PCDHA3: variants seen among roughly 807,000 people sequenced by gnomAD.
PCDHA3 encodes protocadherin alpha 3.
Under a neutral mutation model 62.2 loss-of-function variants are expected in PCDHA3, and 41 were observed. The ratio of observed to expected loss-of-function variants is 0.66; its 90% CI spans 0.51 to 0.86. PCDHA3 has a LOEUF of 0.86. Among genes scored for constraint, PCDHA3 ranks in the 40% least tolerant of loss-of-function variants. The pLI is 0.00. For missense variants in PCDHA3, 1,304 were observed against 1,241.2 expected (o/e 1.05, Z -0.76); for synonymous variants, 640 against 555.4 (o/e 1.15, Z -2.14).
intron 1 of PCDHA3, among the ~76,000 whole-genome samples, chr5:140,923,825 G>A (rs2081532169): frequency 6.6e-6 from 1 of 152,224 alleles, no homozygotes; most frequent in East Asian, 1.9e-4. Context: ...ATAGACGTCA[G>A]TGGCAGTTTA....
At chr5:140,931,875 T>C (rs1457456146) in intron 1 of PCDHA3, among the ~76,000 whole-genome samples, 3 of 151,982 alleles carry the variant, frequency 2.0e-5, no homozygotes, top group African/African-American at 7.2e-5. Flanking sequence ...AAAATATTTA[T>C]TGCTTTCATT....
intron 1 of PCDHA3, chr5:140,829,105 G>C: frequency 6.2e-7 from 1 of 1,611,878 alleles, no homozygotes; most frequent in Non-Finnish European, 8.5e-7. Context: ...CCGTTTTAGT[G>C]AGAATTTTGG....
chr5:140,848,370 C>G, intron 1 of PCDHA3: 1 of 1,125,286 alleles, frequency 8.9e-7, no homozygotes, highest in Non-Finnish European at 1.3e-6. Flanking sequence ...GAAAGAGGCT[C>G]AATTCTTTTT....
At chr5:140,965,103 A>G (rs1453303865) in intron 1 of PCDHA3, among the ~76,000 whole-genome samples, 1 of 152,234 alleles carries the variant, frequency 6.6e-6, no homozygotes, top group Non-Finnish European at 1.5e-5. Context: ...TAGCTAGAAA[A>G]TGACCCATAG....
intron 3 of PCDHA3, among the ~76,000 whole-genome samples, chr5:141,000,397 A>C (rs590627): frequency 0.074 from 4,330 of 58,694 alleles, 135 homozygotes; most frequent in Non-Finnish European, 0.096. Flanking sequence ...CTCTCTCTCT[A>C]TATATATATA....
At chr5:140,832,074 T>C (rs2150199699) in intron 1 of PCDHA3, among the ~76,000 whole-genome samples, 2 of 152,370 alleles carry the variant, frequency 1.3e-5, no homozygotes, top group East Asian at 3.8e-4. Context: ...CTGAGATGTC[T>C]CTAACATTTT....
At chr5:140,839,867 G>A (rs996407179) in intron 1 of PCDHA3, among the ~76,000 whole-genome samples, 1 of 151,988 alleles carries the variant, frequency 6.6e-6, no homozygotes, top group Non-Finnish European at 1.5e-5. Flanking sequence ...GGTGGACTTT[G>A]AAAGATGAAT....
At chr5:140,824,621 T>A (rs536552035) in intron 1 of PCDHA3, 1 of 130,846 alleles carries the variant, frequency 7.6e-6, no homozygotes, top group Non-Finnish European at 1.6e-5. Flanking sequence ...TTTTTTTTTT[T>A]TTTTTTTTTT....
intron 1 of PCDHA3, chr5:140,843,312 C>G: frequency 1.3e-6 from 2 of 1,596,048 alleles, no homozygotes; most frequent in South Asian, 1.1e-5. Context: ...GCCACGGCCA[C>G]GGTTCTGGTG....
chr5:140,835,412 A>C lies in PCDHA3; in HGVS notation c.2394+31821A>C, dbSNP rs2150235201. The C allele has an allele frequency of 4.3e-6, 7 of 1,613,988 alleles. No homozygotes were observed. The East Asian group carries it at 1.6e-4, about 36-fold the overall frequency. On this transcript the variant is annotated intron_variant, in intron 1 of 3. Coordinates refer to ENST00000522353, the MANE Select transcript of PCDHA3 (RefSeq NM_018906.3). ...CAGTTCTTGTGGAAGTTGTGGATGT[A>C]AATGACAATGCTCCACAGTTGACTC...
intron 1 of PCDHA3, among the ~76,000 whole-genome samples, chr5:140,919,511 G>A (rs782614998): frequency 1.3e-5 from 2 of 151,848 alleles, no homozygotes; most frequent in Non-Finnish European, 2.9e-5. Flanking sequence ...TTTTCTATAT[G>A]TTTTAATTCT....
intron 1 of PCDHA3, chr5:140,808,283 G>T: frequency 6.2e-7 from 1 of 1,614,216 alleles, no homozygotes; most frequent in Non-Finnish European, 8.5e-7. Flanking sequence ...CGCTCCACTG[G>T]GTACAGTCAT....
At chr5:140,842,475 T>A in intron 1 of PCDHA3, 4 of 1,613,948 alleles carry the variant, frequency 2.5e-6, no homozygotes, top group Non-Finnish European at 2.5e-6. Context: ...AACGGGCAGG[T>A]GACCTGCTCC....
chr5:140,823,100 T>C (rs1183844615), intron 1 of PCDHA3: 3 of 1,613,902 alleles, frequency 1.9e-6, no homozygotes, highest in African/African-American at 1.3e-5. Context: ...AGCGTGTCTG[T>C]GGAAGTGGCC....
At chr5:140,927,204 G>C (rs1554204171) in intron 1 of PCDHA3, 1 of 1,614,112 alleles carries the variant, frequency 6.2e-7, no homozygotes, top group Middle Eastern at 1.6e-4. Flanking sequence ...TCGAGGACCC[G>C]CTGGAGCTGC....
chr5:140,876,031 G>C, intron 1 of PCDHA3: 2 of 1,613,702 alleles, frequency 1.2e-6, no homozygotes, highest in Non-Finnish European at 1.7e-6. Flanking sequence ...AACAAAAAAA[G>C]ATAAAAGTAT....
At chr5:140,804,358 A>G (rs1562197499) in intron 1 of PCDHA3, 1 of 152,056 alleles carries the variant, frequency 6.6e-6, no homozygotes, top group Non-Finnish European at 1.5e-5. Context: ...AAAATTTATT[A>G]CTAATAACTA....
At chr5:140,839,763 C>A (rs1052190502) in intron 1 of PCDHA3, among the ~76,000 whole-genome samples, 1 of 151,896 alleles carries the variant, frequency 6.6e-6, no homozygotes, top group Non-Finnish European at 1.5e-5. Flanking sequence ...ATTTAACCTA[C>A]GTTTTTGGTA....
intron 1 of PCDHA3, among the ~76,000 whole-genome samples, chr5:140,900,317 G>A (rs188830675): frequency 3.3e-4 from 50 of 151,512 alleles, no homozygotes; most frequent in Non-Finnish European, 6.2e-4. Context: ...CACTTTTGTC[G>A]CCCAGGCTGG....
Sources: allele counts gnomAD v4.1 joint callset (sites outside exome capture counted in the v4.1 genomes callset), GRCh38; gene constraint gnomAD v4.1.1; transcripts MANE v1.5; gene names NCBI Gene and HGNC (gene_info 2026-07-23, HGNC 2026-07-21).